The following RUBCNL variants were observed in gnomAD, a reference collection of about 807,000 sequenced individuals.
The protein encoded by RUBCNL is rubicon like autophagy enhancer.
RUBCNL carries 62 observed loss-of-function variants against 69.5 expected under a neutral mutation model. The ratio of observed to expected loss-of-function variants is 0.89; its 90% CI spans 0.73 to 1.10. The LOEUF (loss-of-function observed/expected upper bound fraction) is 1.10. Ranked by LOEUF, RUBCNL falls within the 50% of genes least tolerant of loss-of-function variation. RUBCNL has a pLI of 0.00. For synonymous variants in RUBCNL, 291 were observed against 303.6 expected (o/e 0.96, Z 0.43); for missense variants, 768 against 798.1 (o/e 0.96, Z 0.45).
Position 46,342,470 on chromosome 13 carries a change from A to G in RUBCNL, c.*915T>C, listed in dbSNP as rs2048158719. On this transcript the variant is annotated 3_prime_UTR_variant, in exon 15 of 15. Coordinates refer to ENST00000429979, the MANE Select transcript of RUBCNL (RefSeq NM_025113.5). ...ATAGGCTCACATGTTTCAGGAAAAC[A>G]TATAAGAACTATTAGAAAAAAGAAA... 1 of 152,258 alleles carries G rather than the reference A, an allele frequency of 6.6e-6. No individual in the cohort carries two copies. The highest frequency in any genetic ancestry group is 1.5e-5 in the Non-Finnish European group (1 of 68,040). The allele number at this position is 152,258 out of a possible 1,614,324, so 9.4% of individuals were successfully genotyped here.
Position 46,359,647 on chromosome 13 carries a change from A to G in RUBCNL, c.1120-16T>C, listed in dbSNP as rs762384989. On this transcript the variant is annotated splice_polypyrimidine_tract_variant and intron_variant, in intron 8 of 14. Transcript: ENST00000429979. ...CATTTACGACCTGCATAAGACATAAAATGATTTAGGAACAACTTAAGCATA... is the reference window on the plus strand; with the variant it reads ...CATTTACGACCTGCATAAGACATAAGATGATTTAGGAACAACTTAAGCATA... The G allele has an allele frequency of 1.9e-6, 3 of 1,548,608 alleles. No individual in the cohort carries two copies. The South Asian group carries it at 3.7e-5, about 19-fold the overall frequency.
chr13:46,349,153 T>G, intron 12 of RUBCNL, 133 bp downstream of exon 12: 1 of 705,150 alleles, frequency 1.4e-6, no homozygotes, highest in Non-Finnish European at 2.4e-6. Context: ...GATGGCATGA[T>G]TTCCCAAGGA....
In RUBCNL at chr13:46,373,713, CA is replaced by C. The variant is rs569759610; in HGVS notation, c.-122-1117del. ...CTAGAGATAGAAGGGTGGCCTATGC[CA>C]CATTCACCCTGCACAGTGGTGAACA... On this transcript the variant is annotated intron_variant, in intron 2 of 14. Transcript: ENST00000429979. Among the ~76,000 whole-genome samples the C allele has an allele frequency of 7.9e-4, 120 of 152,368 alleles. 1 individual carries two copies. The highest frequency in any genetic ancestry group is 1.5e-3 in the Non-Finnish European group (102 of 68,048).
chr13:46,355,942 G>GA (rs1347638750), intron 10 of RUBCNL, among the ~76,000 whole-genome samples: 2 of 151,844 alleles, frequency 1.3e-5, no homozygotes, highest in African/African-American at 4.8e-5. Context: ...AGAAAATAAA[G>GA]AAAAAAAATA....
At position 46,337,457 on chromosome 13, in the gene RUBCNL, C is replaced by T. The variant is rs545235695; in HGVS notation, c.*5928G>A. 1.3e-5 allele frequency among the ~76,000 whole-genome samples: 2 copies of T among 152,246 alleles called. No individual in the cohort carries two copies. Among genetic ancestry groups the T allele is most frequent in the African/African-American group, 4.8e-5 (2 of 41,548 alleles). On this transcript the variant is annotated 3_prime_UTR_variant, in exon 15 of 15. Transcript: ENST00000429979. ...AGTGTGAGCCACCGTGCCTGGTCCGCTCTCTCTCCTTTCTACCATGTAAGG... is the reference window on the plus strand; with the variant it reads ...AGTGTGAGCCACCGTGCCTGGTCCGTTCTCTCTCCTTTCTACCATGTAAGG...
At chr13:46,380,925 C>T (rs1269656170) in intron 1 of RUBCNL, among the ~76,000 whole-genome samples, 1 of 151,968 alleles carries the variant, frequency 6.6e-6, no homozygotes, top group African/African-American at 2.4e-5. Flanking sequence ...AATTTGATAA[C>T]TAAGACAGTG....
upstream of RUBCNL, chr13:46,387,625 T>C (rs1594194775): frequency 1.0e-6 from 1 of 985,326 alleles, no homozygotes; most frequent in South Asian, 4.7e-5. Context: ...TTGCCTGAAA[T>C]GAAGAATGAG....
At chr13:46,388,602 G>A (rs1424125538), upstream of RUBCNL, among the ~76,000 whole-genome samples, 3 of 152,216 alleles carry the variant, frequency 2.0e-5, no homozygotes, top group African/African-American at 7.2e-5. Flanking sequence ...CTCTCTCGCG[G>A]TGCCCTGACT....
Position 46,382,304 on chromosome 13 carries a change from G to A in RUBCNL, c.-238-4299C>T, listed in dbSNP as rs1177884266. ...AGGCTGTGAACAAAAATACTGAAAG[G>A]ATAGGAGAAAGTTAAAAGGAGAAGT... On this transcript the variant is annotated intron_variant, in intron 1 of 14. Transcript: ENST00000429979. 6.6e-5 allele frequency among the ~76,000 whole-genome samples: 10 copies of A among 152,140 alleles called. No homozygotes were observed. In the South Asian group the frequency reaches 2.1e-3, roughly 32 times the overall value.
intron 14 of RUBCNL, 42 bp from the exon 15 acceptor site, chr13:46,343,539 G>A (rs755169235): frequency 1.3e-6 from 2 of 1,586,514 alleles, no homozygotes; most frequent in South Asian, 2.2e-5. Context: ...GGTCTATCTT[G>A]TTTTCTCACA....
intron 12 of RUBCNL, among the ~76,000 whole-genome samples, chr13:46,348,834 C>T (rs1364593744): frequency 6.6e-6 from 1 of 152,092 alleles, no homozygotes; most frequent in Non-Finnish European, 1.5e-5. Context: ...GATCTCTTGA[C>T]CTCGTGATCC....
At position 46,371,911 on chromosome 13, in the gene RUBCNL, G is replaced by T. The variant is rs1176545017; in HGVS notation, c.535+30C>A. ...GGCGAAGCAAGGGTGTGAACAGAGA[G>T]GAATGAGGGAGGTCACCTACTAAAA... On this transcript the variant is annotated intron_variant, in intron 3 of 14. Transcript: ENST00000429979. 1.9e-6 allele frequency: 3 copies of T among 1,607,800 alleles called. No individual in the cohort carries two copies. In the African/African-American group the frequency reaches 4.0e-5, roughly 21 times the overall value.
At position 46,363,188 on chromosome 13, in the gene RUBCNL, T is replaced by G. The variant is rs940221670; in HGVS notation, c.852A>C (p.Pro284=). Residue 284 remains proline (P), a synonymous_variant, in exon 6 of 15, where the codon CCA becomes CCC. Coordinates refer to ENST00000429979, the MANE Select transcript of RUBCNL (RefSeq NM_025113.5). ...CATGGTAAGTACGTGTTTCAGTCAC[T>G]GGGCTGACCTGTAACACAGCACAAC... ...YEGCAVLQVS[P]VTETRTYHDV... 1.3e-6 allele frequency: 2 copies of G among 1,590,902 alleles called. No individual in the cohort carries two copies. Among genetic ancestry groups the G allele is most frequent in the Non-Finnish European group, 1.7e-6 (2 of 1,167,972 alleles).
intron 10 of RUBCNL, chr13:46,350,578 C>CAAAAAAAAAAAAA (rs1352978040): frequency 4.7e-6 from 2 of 423,012 alleles, no homozygotes; most frequent in African/African-American, 4.0e-5. Context: ...GTCAGAAAAA[C>CAAAAAAAAAAAAA]AAAACCTTCC....
chr13:46,373,667 CAAG>C (rs2048927945), intron 2 of RUBCNL, among the ~76,000 whole-genome samples: 1 of 152,218 alleles, frequency 6.6e-6, no homozygotes. Flanking sequence ...CAGCAAAAAG[CAAG>C]AAGAGACAGG....
intron 5 of RUBCNL, 61 bp from the exon 6 acceptor site, chr13:46,363,274 T>G: frequency 1.3e-6 from 1 of 771,336 alleles, no homozygotes; most frequent in Non-Finnish European, 2.0e-6. Flanking sequence ...CTGTACAACC[T>G]GCAACACCCA....
intron 1 of RUBCNL, among the ~76,000 whole-genome samples, chr13:46,381,805 C>T (rs2138847508): frequency 6.6e-6 from 1 of 152,280 alleles, no homozygotes; most frequent in African/African-American, 2.4e-5. Context: ...TGGTCTCGAA[C>T]TCCTGACCTC....
rs2049035182 is a variant in RUBCNL, at chr13:46,378,011, A to C, written c.-238-6T>G. ...ATCCCCATTTTTTATTTTATCTGTAAGGCAAAAAACAATTTGCCAGATGCT... is the reference window on the plus strand; with the variant it reads ...ATCCCCATTTTTTATTTTATCTGTACGGCAAAAAACAATTTGCCAGATGCT... On this transcript the variant is annotated splice_polypyrimidine_tract_variant and splice_region_variant and intron_variant, in intron 1 of 14. Coordinates refer to ENST00000429979, the MANE Select transcript of RUBCNL (RefSeq NM_025113.5). 1 of 1,506,450 alleles carries C rather than the reference A, an allele frequency of 6.6e-7. No individual in the cohort carries two copies. The highest frequency in any genetic ancestry group is 8.9e-7 in the Non-Finnish European group (1 of 1,117,670). The allele number at this position is 1,506,450 out of a possible 1,614,324, so 93.3% of individuals were successfully genotyped here.
In RUBCNL at chr13:46,341,863, A is replaced by G. The variant is rs1051637701; in HGVS notation, c.*1522T>C. Reference sequence around the variant, plus strand: ...CTTCCTGTGGGAACCTAGGAAAGTTATTTCTCTTCTCTAGGCCTCAGTTTC... The same window carrying G: ...CTTCCTGTGGGAACCTAGGAAAGTTGTTTCTCTTCTCTAGGCCTCAGTTTC... On this transcript the variant is annotated 3_prime_UTR_variant, in exon 15 of 15. Transcript: ENST00000429979. 1 of 152,210 alleles carries G rather than the reference A, an allele frequency of 6.6e-6. No homozygotes were observed. The highest frequency in any genetic ancestry group is 1.5e-5 in the Non-Finnish European group (1 of 68,048). The allele number at this position is 152,210 out of a possible 1,614,324, so 9.4% of individuals were successfully genotyped here.
Sources: gnomAD v4.1 joint callset for allele counts (sites outside exome capture counted in the v4.1 genomes callset) on GRCh38, gnomAD v4.1.1 for gene constraint, MANE v1.5 for transcripts, NCBI Gene and HGNC (gene_info 2026-07-23, HGNC 2026-07-21) for gene names.